The following LRBA variants were observed in gnomAD, a reference collection of about 807,000 sequenced individuals.
LRBA encodes LPS responsive beige-like anchor protein, also known as lipopolysaccharide-responsive and beige-like anchor protein.
In LRBA, 176 loss-of-function variants were observed where a neutral mutation model predicts 330.0. The ratio of observed to expected loss-of-function variants is 0.53; its 90% CI spans 0.47 to 0.60. LRBA has a LOEUF of 0.60. Ranked by LOEUF, LRBA falls within the 20% of genes least tolerant of loss-of-function variation. LRBA has a pLI of 0.00. For missense variants in LRBA, 3,259 were observed against 3,444.8 expected (o/e 0.95, Z 1.35); for synonymous variants, 1,230 against 1,193.0 (o/e 1.03, Z -0.64).
chr4:150,808,290 TCA>T (rs1553966295), intron 32 of LRBA, 28 bp downstream of exon 32: 2 of 1,426,552 alleles, frequency 1.4e-6, no homozygotes, highest in Non-Finnish European at 9.8e-7. Context: ...AAGGTATAAA[TCA>T]CAATATTCAA....
intron 2 of LRBA, among the ~76,000 whole-genome samples, chr4:150,958,252 C>G (rs1202721431): frequency 6.7e-6 from 1 of 149,226 alleles, no homozygotes; most frequent in East Asian, 1.9e-4. Flanking sequence ...TCCCAAACCT[C>G]AGTTCTTGAC....
chr4:150,844,769 G>A lies in LRBA; in HGVS notation c.4350C>T (p.Val1450=), dbSNP rs750711532. ...GACACTCCAAGCAATTCCTTACTGCGACTGCACAAACTGTAATTTATTTTA... is the reference window on the plus strand; with the variant it reads ...GACACTCCAAGCAATTCCTTACTGCAACTGCACAAACTGTAATTTATTTTA... ...LRQCLRLVCA[V]AVRNCLECQQ... is the part of the protein sequence containing the mutation. The change falls in exon 27 of 57, where the codon GTC becomes GTT. Residue 1450 remains valine (V), a synonymous_variant. Transcript: ENST00000651943. 68 of 1,611,274 alleles carry A rather than the reference G, an allele frequency of 4.2e-5. 2 individuals carry two copies. In the Middle Eastern group the frequency reaches 6.6e-4, roughly 16 times the overall value.
chr4:150,421,393 G>A (rs1440126236), intron 46 of LRBA, among the ~76,000 whole-genome samples: 4 of 148,396 alleles, frequency 2.7e-5, no homozygotes, highest in African/African-American at 7.4e-5. Context: ...GAAGAATTCA[G>A]TATGGACAGA....
At chr4:150,894,834 T>A (rs771201331) in intron 16 of LRBA, among the ~76,000 whole-genome samples, 3 of 152,142 alleles carry the variant, frequency 2.0e-5, no homozygotes, top group Admixed American at 6.5e-5. Flanking sequence ...CATATATAGA[T>A]CACTATGAAA....
chr4:150,386,169 A>T (rs1300862005), intron 47 of LRBA, among the ~76,000 whole-genome samples: 1 of 152,158 alleles, frequency 6.6e-6, no homozygotes, highest in Admixed American at 6.5e-5. Context: ...TGGCATCATA[A>T]TAATCAAAAT....
chr4:150,898,670 TAGAAGAGGATCA>T (rs1292800293), intron 14 of LRBA, among the ~76,000 whole-genome samples: 2 of 149,968 alleles, frequency 1.3e-5, no homozygotes, highest in Non-Finnish European at 3.0e-5. Flanking sequence ...AGACTAGAGT[TAGAAGAGGATCA>T]CAAAATTTGT....
chr4:150,392,511 T>G (rs1320229932), intron 47 of LRBA, among the ~76,000 whole-genome samples: 2 of 152,106 alleles, frequency 1.3e-5, no homozygotes, highest in African/African-American at 2.4e-5. Flanking sequence ...AAAGGCCCCA[T>G]CTCCAAATAT....
Position 150,639,847 on chromosome 4 carries a change from A to G in LRBA, c.5922-40716T>C, listed in dbSNP as rs866008788. 4.9e-3 allele frequency among the ~76,000 whole-genome samples: 327 copies of G among 66,752 alleles called. 34 individuals are homozygous for G. Among genetic ancestry groups the G allele is most frequent in the African/African-American group, 0.016 (277 of 16,804 alleles). 43.8% of individuals were successfully genotyped at this position (66,752 alleles called of 152,430 possible). A position where few individuals can be genotyped will look rare whatever the true frequency, so the allele number is the denominator to read the frequency against. ...TATATATATATATATATATATATAT[A>G]TATATATATATATATATATATATAT... On this transcript the variant is annotated intron_variant, in intron 37 of 56. Coordinates refer to ENST00000651943, the MANE Select transcript of LRBA (RefSeq NM_001364905.1).
intron 36 of LRBA, among the ~76,000 whole-genome samples, chr4:150,686,410 T>C (rs1783634293): frequency 6.6e-6 from 1 of 152,208 alleles, no homozygotes; most frequent in Non-Finnish European, 1.5e-5. Context: ...AAATATGATT[T>C]GAGCAAATAA....
intron 53 of LRBA, among the ~76,000 whole-genome samples, chr4:150,299,908 T>G (rs1729441708): frequency 1.3e-5 from 2 of 152,082 alleles, no homozygotes; most frequent in Admixed American, 6.5e-5. Context: ...AAAGGTCATT[T>G]ACATTGTATC....
intron 40 of LRBA, among the ~76,000 whole-genome samples, chr4:150,499,508 C>A (rs1759984437): frequency 6.6e-6 from 1 of 152,060 alleles, no homozygotes; most frequent in Non-Finnish European, 1.5e-5. Context: ...ACTGAGGTGG[C>A]ATGTGCCTGT....
chr4:150,270,300 G>C (rs750194747), intron 56 of LRBA, among the ~76,000 whole-genome samples: 1 of 152,158 alleles, frequency 6.6e-6, no homozygotes, highest in Non-Finnish European at 1.5e-5. Flanking sequence ...ATAGCCAAAA[G>C]GTAGAAACAA....
intron 40 of LRBA, among the ~76,000 whole-genome samples, chr4:150,491,890 A>T (rs2152105738): frequency 6.6e-6 from 1 of 152,314 alleles, no homozygotes; most frequent in Middle Eastern, 3.4e-3. Flanking sequence ...CATAATACAT[A>T]AGAAAATGAG....
At chr4:150,999,575 T>C (rs1743100920) in intron 2 of LRBA, among the ~76,000 whole-genome samples, 1 of 152,018 alleles carries the variant, frequency 6.6e-6, no homozygotes, top group Non-Finnish European at 1.5e-5. Context: ...TACTGATTAT[T>C]TTTAAGTTTC....
At chr4:150,985,479 G>T (rs1234631236) in intron 2 of LRBA, among the ~76,000 whole-genome samples, 3 of 150,152 alleles carry the variant, frequency 2.0e-5, no homozygotes, top group Admixed American at 1.3e-4. Context: ...ATCTAGAATT[G>T]CACTTTTTTT....
At chr4:150,684,858 T>C (rs1458940775) in intron 36 of LRBA, among the ~76,000 whole-genome samples, 1 of 152,110 alleles carries the variant, frequency 6.6e-6, no homozygotes, top group Non-Finnish European at 1.5e-5. Flanking sequence ...TCCTACAGTA[T>C]ACCAGTTTCG....
At chr4:150,904,293 T>C (rs1417550789) in intron 13 of LRBA, among the ~76,000 whole-genome samples, 2 of 152,232 alleles carry the variant, frequency 1.3e-5, no homozygotes, top group African/African-American at 4.8e-5. Context: ...GATAAACATT[T>C]GACCTTCAAG....
intron 11 of LRBA, 53 bp from the exon 12 acceptor site, chr4:150,906,458 A>G (rs1326596930): frequency 9.6e-7 from 1 of 1,039,470 alleles, no homozygotes; most frequent in Admixed American, 1.8e-5. Context: ...ATTTTTTTTA[A>G]ATTAGGTTAG....
chr4:150,693,500 C>G (rs1193580451), intron 36 of LRBA, among the ~76,000 whole-genome samples: 1 of 126,314 alleles, frequency 7.9e-6, no homozygotes, highest in African/African-American at 2.8e-5. Flanking sequence ...GGAGGCGGAG[C>G]TTGCAGTGAG....
Sources: allele counts gnomAD v4.1 joint callset (sites outside exome capture counted in the v4.1 genomes callset), GRCh38; gene constraint gnomAD v4.1.1; transcripts MANE v1.5; gene names NCBI Gene and HGNC (gene_info 2026-07-23, HGNC 2026-07-21).